ZDHHC15: variants seen among roughly 807,000 people sequenced by gnomAD.
ZDHHC15 encodes the protein palmitoyltransferase ZDHHC15.
Under a neutral mutation model 31.7 loss-of-function variants are expected in ZDHHC15, and 19 were observed. The ratio of observed to expected loss-of-function variants is 0.60; its 90% CI spans 0.42 to 0.88. The LOEUF (loss-of-function observed/expected upper bound fraction) is 0.88, where lower values mean the gene tolerates loss of function less well. Among genes scored for constraint, ZDHHC15 ranks in the 40% least tolerant of loss-of-function variants. ZDHHC15 has a pLI of 0.00. For missense variants in ZDHHC15, 209 were observed against 251.2 expected (o/e 0.83, Z 1.14); for synonymous variants, 103 against 90.0 (o/e 1.14, Z -0.82).
chrX:75,384,310 T>A, intron 10 of ZDHHC15: 1 of 687,013 alleles, frequency 1.5e-6, no homozygotes, highest in Non-Finnish European at 2.3e-6. Flanking sequence ...AAATGCCCTT[T>A]TGGCTGGAAC....
chrX:75,488,277 C>A (rs1052725222), intron 2 of ZDHHC15, among the ~76,000 whole-genome samples: 7 of 111,637 alleles, frequency 6.3e-5, no homozygotes, highest in Non-Finnish European at 9.4e-5. Context: ...GCAGAAGCAC[C>A]AGGTAAACTA....
chrX:75,508,470 C>A (rs756415959), intron 1 of ZDHHC15, among the ~76,000 whole-genome samples: 66 of 108,836 alleles, frequency 6.1e-4, no homozygotes, highest in African/African-American at 2.0e-3. Context: ...CTACAAAGGA[C>A]ATGAACTCAT....
chrX:75,385,659 T>A (rs2083171546), intron 10 of ZDHHC15, among the ~76,000 whole-genome samples: 2 of 111,216 alleles, frequency 1.8e-5, no homozygotes, highest in African/African-American at 6.6e-5. Context: ...TTTCTTCATG[T>A]CCCCCTCACT....
chrX:75,422,232 A>T (rs1311069526), intron 8 of ZDHHC15, among the ~76,000 whole-genome samples: 2 of 111,890 alleles, frequency 1.8e-5, no homozygotes, highest in African/African-American at 6.5e-5. Context: ...TCTTTTTAAA[A>T]GACAGGGGAA....
At chrX:75,432,889 C>T (rs1305493407) in intron 4 of ZDHHC15, among the ~76,000 whole-genome samples, 2 of 110,923 alleles carry the variant, frequency 1.8e-5, no homozygotes, top group African/African-American at 3.3e-5. Flanking sequence ...GAGGCCGAGG[C>T]GGGAGGATTG....
At chrX:75,385,556 GA>G (rs1411764373) in intron 10 of ZDHHC15, among the ~76,000 whole-genome samples, 4 of 111,675 alleles carry the variant, frequency 3.6e-5, no homozygotes, top group Non-Finnish European at 7.5e-5. Context: ...AAGAGGTGCA[GA>G]GAATACTGAA....
chrX:75,511,918 A>T (rs1231006531), intron 1 of ZDHHC15, among the ~76,000 whole-genome samples: 1 of 25,873 alleles, frequency 3.9e-5, no homozygotes, highest in African/African-American at 1.5e-4. Context: ...ATCCAGCAGC[A>T]CATCAAAAAG....
intron 6 of ZDHHC15, among the ~76,000 whole-genome samples, chrX:75,429,699 A>C (rs5981861): frequency 0.59 from 65,849 of 110,900 alleles, 17,070 homozygotes; most frequent in Middle Eastern, 0.82. Context: ...TTTCATTACT[A>C]TGCTCAATTG....
chrX:75,389,621 G>A (rs2083219191), intron 10 of ZDHHC15, among the ~76,000 whole-genome samples: 1 of 110,753 alleles, frequency 9.0e-6, no homozygotes, highest in African/African-American at 3.3e-5. Context: ...AAGGGAACAT[G>A]CTGTATTAAA....
At chrX:75,428,459 C>T (rs138383266) in intron 7 of ZDHHC15, among the ~76,000 whole-genome samples, 22 of 111,485 alleles carry the variant, frequency 2.0e-4, no homozygotes, top group East Asian at 5.6e-4. Flanking sequence ...GCACTTTCAA[C>T]GTCTGTTTCA....
intron 4 of ZDHHC15, among the ~76,000 whole-genome samples, chrX:75,447,731 C>G (rs1285127380): frequency 1.8e-5 from 2 of 110,306 alleles, no homozygotes; most frequent in Non-Finnish European, 3.8e-5. Context: ...TGTTTTCTTC[C>G]TGTTCCTGCA....
At chrX:75,507,394 C>T (rs1329715292) in intron 1 of ZDHHC15, among the ~76,000 whole-genome samples, 1 of 109,959 alleles carries the variant, frequency 9.1e-6, no homozygotes, top group African/African-American at 3.3e-5. Flanking sequence ...TTGGAAATTA[C>T]ATACTTTTGA....
intron 3 of ZDHHC15, among the ~76,000 whole-genome samples, chrX:75,477,216 C>T (rs1361015123): frequency 1.0e-5 from 1 of 97,636 alleles, no homozygotes; most frequent in Admixed American, 1.2e-4. Flanking sequence ...TTCATTCCAT[C>T]ACAATCAGAG....
At chrX:75,377,035 T>A (rs2083067459) in intron 11 of ZDHHC15, among the ~76,000 whole-genome samples, 1 of 111,673 alleles carries the variant, frequency 9.0e-6, no homozygotes, top group Admixed American at 9.6e-5. Context: ...ACATATATAA[T>A]GTATTAATGC....
rs370021885 is a variant in ZDHHC15 at position 75,440,392 on chromosome X, G to A, written c.380-8872C>T. On this transcript the variant is annotated intron_variant, in intron 4 of 11. Transcript: ENST00000373367. ...CCTTCCGGGTTCATGCCATTCTCTC[G>A]CCTTAGCCTCCTGAGTAGCTGGGAC... Among the ~76,000 whole-genome samples, 18 of 110,969 alleles carry A rather than the reference G, an allele frequency of 1.6e-4. No individual in the cohort carries two copies. In the East Asian group the frequency reaches 3.1e-3, roughly 19 times the overall value.
At chrX:75,473,303 A>T (rs944792685) in intron 3 of ZDHHC15, among the ~76,000 whole-genome samples, 1 of 111,866 alleles carries the variant, frequency 8.9e-6, no homozygotes, top group Admixed American at 9.5e-5. Flanking sequence ...TCAGCATCCA[A>T]TATATGGTAC....
chrX:75,424,951 C>T (rs900483690), intron 7 of ZDHHC15, among the ~76,000 whole-genome samples, 167 bp from the exon 8 acceptor site: 1 of 111,250 alleles, frequency 9.0e-6, no homozygotes, highest in Admixed American at 9.7e-5. Flanking sequence ...AATGATGATA[C>T]CTGTGAGTGT....
intron 1 of ZDHHC15, among the ~76,000 whole-genome samples, chrX:75,514,029 C>T (rs1437725150): frequency 8.9e-6 from 1 of 112,781 alleles, no homozygotes; most frequent in East Asian, 2.8e-4. Context: ...CACTATACTT[C>T]AAAGAATGAA....
intron 1 of ZDHHC15, among the ~76,000 whole-genome samples, chrX:75,516,790 T>G (rs1248897673): frequency 9.0e-6 from 1 of 111,142 alleles, no homozygotes; most frequent in South Asian, 3.8e-4. Flanking sequence ...ACCATCAGAG[T>G]GAACAGGCAA....
Sources: gnomAD v4.1 joint callset for allele counts (sites outside exome capture counted in the v4.1 genomes callset) on GRCh38, gnomAD v4.1.1 for gene constraint, MANE v1.5 for transcripts, NCBI Gene and HGNC (gene_info 2026-07-23, HGNC 2026-07-21) for gene names.